Variants in CD244 observed in about 807,000 individuals in gnomAD.
CD244 encodes natural killer cell receptor 2B4.
Under a neutral mutation model 45.5 loss-of-function variants are expected in CD244, and 20 were observed. The observed-to-expected ratio is 0.44, with a 90% CI of 0.31 to 0.64. The LOEUF (loss-of-function observed/expected upper bound fraction) is 0.64, where lower values mean the gene tolerates loss of function less well. Ranked by LOEUF, CD244 falls within the 30% of genes least tolerant of loss-of-function variation. The pLI, the probability that CD244 is intolerant of heterozygous loss-of-function variation, is 0.08. For missense variants in CD244, 407 were observed against 426.9 expected, an observed-to-expected ratio of 0.95 and a Z score of 0.41; for synonymous variants, 185 against 160.5, an observed-to-expected ratio of 1.15 and a Z score of -1.15.
chr1:160,831,348 T>C lies in CD244; in HGVS notation c.1097A>G (p.Ter366TrpextTer22). ...GAAAGGTGAGAATTGCTGCAGCAAC[T>C]AGGAATAAACATCAAAGTTCTCCAG... ...KELENFDVYS* is the reference protein window; with the variant it reads ...KELENFDVYSW The change falls in exon 9 of 9, where the codon TAG becomes TGG. Residue 366 changes from the stop codon to tryptophan (W), a stop_lost. Transcript: ENST00000368034. 2 of 1,613,160 alleles carry C rather than the reference T, an allele frequency of 1.2e-6. No homozygotes were observed. The highest frequency in any genetic ancestry group is 1.7e-6 in the Non-Finnish European group (2 of 1,179,112).
At chr1:160,861,666 G>A (rs1464601408) in intron 1 of CD244, among the ~76,000 whole-genome samples, 1 of 151,942 alleles carries the variant, frequency 6.6e-6, no homozygotes, top group Non-Finnish European at 1.5e-5. Context: ...GTGAAACCTG[G>A]TCTCTACTAA....
At chr1:160,834,164 A>G (rs768828381) in intron 6 of CD244, 48 bp from the exon 7 acceptor site, 131 of 1,336,270 alleles carry the variant, frequency 9.8e-5, no homozygotes, top group Non-Finnish European at 1.3e-4. Context: ...GATCCAGCAC[A>G]ATCTTACAAA....
At position 160,862,699 on chromosome 1, in the gene CD244, G is replaced by C. The variant is rs115596289; in HGVS notation, c.-22C>G. The C allele has an allele frequency of 6.8e-4, 1,098 of 1,611,888 alleles. 3 individuals are homozygous for C. In the African/African-American group the frequency reaches 0.013, roughly 19 times the overall value. ...GCATTTCCACAGGACAGAGGGGCCA[G>C]GCCAGCCCCTCCACCCCACCAGACT... is the stretch of plus-strand genomic sequence containing the variant. On this transcript the variant is annotated 5_prime_UTR_variant, in exon 1 of 9. Transcript: ENST00000368034.
intron 1 of CD244, among the ~76,000 whole-genome samples, chr1:160,846,751 C>T (rs1286129118): frequency 1.3e-5 from 2 of 151,802 alleles, no homozygotes; most frequent in African/African-American, 4.8e-5. Context: ...CACAAAAAGG[C>T]CTGCAGTAAA....
chr1:160,834,054 C>T lies in CD244; in HGVS notation c.957G>A (p.Arg319=). 2 of 1,610,020 alleles carry T rather than the reference C, an allele frequency of 1.2e-6. No individual in the cohort carries two copies. The highest frequency in any genetic ancestry group is 1.7e-6 in the Non-Finnish European group (2 of 1,176,260). ...ACCACCACGGGAAGAGGCTCACCTTCCTGGAAGGCTGAATTAATGAATATA... is the reference window on the plus strand; with the variant it reads ...ACCACCACGGGAAGAGGCTCACCTTTCTGGAAGGCTGAATTAATGAATATA... ...YTLYSLIQPS[R]KSGSRKRNHS... The change falls in exon 7 of 9, where the codon AGG becomes AGA. Residue 319 remains arginine (R), a synonymous_variant. Coordinates refer to ENST00000368034, the MANE Select transcript of CD244 (RefSeq NM_016382.4).
rs76549678 is a variant in CD244, at chr1:160,832,643, A to G, written c.961-68T>C. On this transcript the variant is annotated intron_variant, in intron 7 of 8. Transcript: ENST00000368034. ...TGCTCTCCCACTCCTAAGTGATGTGAGAGGTCCCAAAAGAGACTCAGGGCC... is the reference window on the plus strand; with the variant it reads ...TGCTCTCCCACTCCTAAGTGATGTGGGAGGTCCCAAAAGAGACTCAGGGCC... The G allele has an allele frequency of 2.4e-3, 3,827 of 1,602,786 alleles. 78 individuals carry two copies. The African/African-American group carries it at 0.043, about 18-fold the overall frequency.
intron 7 of CD244, among the ~76,000 whole-genome samples, chr1:160,833,557 T>A (rs1264163838): frequency 6.6e-6 from 1 of 152,304 alleles, no homozygotes; most frequent in Middle Eastern, 3.4e-3. Flanking sequence ...AAAGGATGGG[T>A]TGCCTCAGTC....
In CD244 at chr1:160,841,496, A is replaced by G. The variant is rs1192613600; in HGVS notation, c.380-11T>C. The G allele has an allele frequency of 6.2e-7, 1 of 1,613,946 alleles. No individual in the cohort carries two copies. The highest frequency in any genetic ancestry group is 8.5e-7 in the Non-Finnish European group (1 of 1,179,948). ...GTTTCTCAACTTTATCTGGAAGCAG[A>G]GATTCTGATCAGAAAGGCATTGGAA... On this transcript the variant is annotated splice_polypyrimidine_tract_variant and intron_variant, in intron 2 of 8. Transcript: ENST00000368034.
At position 160,862,605 on chromosome 1, in the gene CD244, G is replaced by C. The variant is rs1236067551; in HGVS notation, c.61+12C>G. 1 of 1,612,488 alleles carries C rather than the reference G, an allele frequency of 6.2e-7. No homozygotes were observed. The highest frequency in any genetic ancestry group is 2.2e-5 in the East Asian group (1 of 44,884). ...TCCCTCCCTCGCCCCACGCCAGGTA[G>C]GACCTCCTTACCTTTGCCCTGATAC... On this transcript the variant is annotated intron_variant, in intron 1 of 8. Coordinates refer to ENST00000368034, the MANE Select transcript of CD244 (RefSeq NM_016382.4).
rs1670351625 is a variant in CD244 at position 160,862,647 on chromosome 1, G to A, written c.31C>T (p.Leu11Phe). 6.8e-6 allele frequency: 11 copies of A among 1,614,090 alleles called. No homozygotes were observed. Among genetic ancestry groups the A allele is most frequent in the Non-Finnish European group, 9.3e-6 (11 of 1,179,962 alleles). The change falls in exon 1 of 9, where the codon CTC (leucine) becomes TTC (phenylalanine). Residue 11 changes from leucine to phenylalanine, a missense_variant. Physicochemically the swap from Leu to Phe is conservative, Grantham distance 22. Transcript: ENST00000368034. MLGQVVTLILLLLLKVYQGKG... is the reference protein window; with the variant it reads MLGQVVTLILFLLLKVYQGKG... ...CCCTGATACACCTTGAGGAGCAGGA[G>A]GAGTATGAGGGTGACCACTTGCCCC...
chr1:160,836,670 C>A (rs566842803), intron 5 of CD244, among the ~76,000 whole-genome samples: 43 of 152,308 alleles, frequency 2.8e-4, no homozygotes, highest in Middle Eastern at 3.4e-3. Flanking sequence ...TTTGAGGCCA[C>A]CTTGCCCTTG....
At chr1:160,862,209 G>T (rs941023386) in intron 1 of CD244, among the ~76,000 whole-genome samples, 2 of 152,156 alleles carry the variant, frequency 1.3e-5, no homozygotes. Flanking sequence ...CTGCCTCAGG[G>T]GTCCATCCAT....
chr1:160,858,084 TA>T (rs148027839), intron 1 of CD244, among the ~76,000 whole-genome samples: 36,088 of 146,180 alleles, frequency 0.25, 4,730 homozygotes, highest in East Asian at 0.4. Flanking sequence ...AATAAAAAAT[TA>T]AAAAAAAAAA....
chr1:160,849,972 A>G (rs1043924766), intron 1 of CD244, among the ~76,000 whole-genome samples: 33 of 152,236 alleles, frequency 2.2e-4, no homozygotes, highest in African/African-American at 7.7e-4. Flanking sequence ...AGATGGCACC[A>G]TTGCACTCCA....
intron 1 of CD244, among the ~76,000 whole-genome samples, chr1:160,854,750 G>T (rs1670048008): frequency 6.6e-6 from 1 of 151,850 alleles, no homozygotes. Context: ...ACTGCCTTTG[G>T]GGTCTTTTTA....
In CD244 at chr1:160,831,422, T is replaced by C. The variant is rs760803908; in HGVS notation, c.1023A>G (p.Gly341=). ...SFNSTIYEVI[G]KSQPKAQNPA... ...GGTTCTGGGCTTTAGGTTGACTCTT[T>C]CCAATCTGCAAAAGAAAAGGAGAAA... Residue 341 remains glycine (G), a synonymous_variant, in exon 9 of 9, where the codon GGA becomes GGG. Coordinates refer to ENST00000368034, the MANE Select transcript of CD244 (RefSeq NM_016382.4). The C allele has an allele frequency of 3.7e-6, 6 of 1,613,302 alleles. No homozygotes were observed. In the Admixed American group the frequency reaches 5.0e-5, roughly 13 times the overall value.
chr1:160,848,005 A>G (rs762079954), intron 1 of CD244: 20 of 267,008 alleles, frequency 7.5e-5, no homozygotes, highest in Non-Finnish European at 1.3e-4. Context: ...TCTTGCTATC[A>G]ACCGTAGTCA....
At chr1:160,832,476 A>G (rs1669160232) in intron 8 of CD244, 43 bp downstream of exon 8, 3 of 1,221,944 alleles carry the variant, frequency 2.5e-6, no homozygotes, top group Non-Finnish European at 3.5e-6. Flanking sequence ...TTTCAGGGCT[A>G]TGCAACAGAC....
At chr1:160,832,907 C>T (rs1296796345) in intron 7 of CD244, among the ~76,000 whole-genome samples, 2 of 147,486 alleles carry the variant, frequency 1.4e-5, no homozygotes, top group Non-Finnish European at 3.0e-5. Flanking sequence ...CATATATATA[C>T]ATATTTGTGT....
Sources: gnomAD v4.1 joint callset for allele counts (sites outside exome capture counted in the v4.1 genomes callset) on GRCh38, gnomAD v4.1.1 for gene constraint, MANE v1.5 for transcripts, NCBI Gene and HGNC (gene_info 2026-07-23, HGNC 2026-07-21) for gene names.